ZFP28: variants seen among roughly 807,000 people sequenced by gnomAD.
The protein encoded by ZFP28 is ZFP28 zinc finger protein.
ZFP28 carries 31 observed loss-of-function variants against 39.5 expected under a neutral mutation model. The ratio of observed to expected loss-of-function variants is 0.79; its 90% CI spans 0.59 to 1.06. The LOEUF (loss-of-function observed/expected upper bound fraction) is 1.06. ZFP28 is among the 50% of genes least tolerant of loss of function. The pLI is 0.00. For missense variants in ZFP28, 925 were observed against 1,048.4 expected, an observed-to-expected ratio of 0.88 and a Z score of 1.63; for synonymous variants, 400 against 378.6, an observed-to-expected ratio of 1.06 and a Z score of -0.66.
chr19:56,545,324 C>A (rs1257744381), intron 2 of ZFP28, among the ~76,000 whole-genome samples: 1 of 152,212 alleles, frequency 6.6e-6, no homozygotes, highest in Admixed American at 6.5e-5. Flanking sequence ...ATATCACTTA[C>A]AAAACCCTTT....
Position 56,549,096 on chromosome 19 carries a change from A to G in ZFP28, c.662A>G (p.Tyr221Cys), listed in dbSNP as rs757588903. Residue 221 changes from tyrosine to cysteine, a missense_variant, in exon 5 of 8, where the codon TAT becomes TGT. Transcript: ENST00000301318. ...TCTCTGTTAGGGGAACACTGGGATT[A>G]TGATGCTCTGTTTGAGACACAGCCG... ...EYSLLGEHWD[Y>C]DALFETQPGL... 2 of 1,611,988 alleles carry G rather than the reference A, an allele frequency of 1.2e-6. No individual in the cohort carries two copies. Among genetic ancestry groups the G allele is most frequent in the Non-Finnish European group, 1.7e-6 (2 of 1,179,208 alleles).
chr19:56,555,380 C>T lies in ZFP28; in HGVS notation c.2595C>T (p.Leu865=), dbSNP rs750148848. 7.4e-6 allele frequency: 12 copies of T among 1,610,834 alleles called. No individual in the cohort carries two copies. The highest frequency in any genetic ancestry group is 1.0e-5 in the Non-Finnish European group (12 of 1,178,170). Reference sequence around the variant, plus strand: ...AATTTCTCTGGAATCCATCCTCCCTCCCATCACCATAGCCTCGAGACGTCA... The same window carrying T: ...AATTTCTCTGGAATCCATCCTCCCTTCCATCACCATAGCCTCGAGACGTCA... ...FPKFLWNPSS[L]PSP The change falls in exon 8 of 8, where the codon CTC becomes CTT. Residue 865 remains leucine (L), a synonymous_variant. Transcript: ENST00000301318.
In ZFP28 at chr19:56,556,789, T is replaced by C. The variant is rs2147969318; in HGVS notation, c.*1397T>C. The stretch of plus-strand genomic sequence containing the variant: ...ATAAAGATGTCAATAAAAGGAGAAA[T>C]GATATTTTTCTAGATGAAATACTCA... On this transcript the variant is annotated 3_prime_UTR_variant, in exon 8 of 8. Transcript: ENST00000301318. 6.6e-6 allele frequency: 1 copy of C among 152,306 alleles called. No homozygotes were observed. Among genetic ancestry groups the C allele is most frequent in the African/African-American group, 2.4e-5 (1 of 41,560 alleles). The allele number at this position is 152,306 out of a possible 1,614,324, so 9.4% of individuals were successfully genotyped here. A position where few individuals can be genotyped will look rare whatever the true frequency, so the allele number is the denominator to read the frequency against.
rs2044268237 is a variant in ZFP28, at chr19:56,548,986, G to A, written c.552G>A (p.Glu184=). ...TGAAGGCTGTGTGGAAGATCAAGGA[G>A]TTACCTCTCAAGAAGGACTTCTGCG... ...PDLKAVWKIK[E]LPLKKDFCEG... Residue 184 remains glutamate (E), a synonymous_variant, in exon 5 of 8, where the codon GAG becomes GAA. Transcript: ENST00000301318. 6.2e-7 allele frequency: 1 copy of A among 1,613,986 alleles called. No homozygotes were observed. The highest frequency in any genetic ancestry group is 1.3e-5 in the African/African-American group (1 of 75,050).
intron 6 of ZFP28, 151 bp downstream of exon 6, chr19:56,550,332 A>C (rs748924433): frequency 2.2e-6 from 2 of 928,158 alleles, no homozygotes; most frequent in South Asian, 1.7e-5. Context: ...GCATTTGTAG[A>C]GGTGAAAGTT....
At chr19:56,538,191 G>T, upstream of ZFP28, 1 of 152,448 alleles carries the variant, frequency 6.6e-6, no homozygotes, top group Non-Finnish European at 1.5e-5. Flanking sequence ...GAGAAGGTGA[G>T]GGGGCACCCA....
chr19:56,548,881 T>A, intron 4 of ZFP28, 77 bp from the exon 5 acceptor site: 3 of 1,410,756 alleles, frequency 2.1e-6, no homozygotes, highest in Non-Finnish European at 2.8e-6. Context: ...GGCTTTTAAT[T>A]TAACGGTTGC....
In ZFP28 at chr19:56,554,835, C is replaced by G; in HGVS notation, c.2050C>G (p.Gln684Glu). 1 of 1,614,128 alleles carries G rather than the reference C, an allele frequency of 6.2e-7. No homozygotes were observed. The highest frequency in any genetic ancestry group is 1.1e-5 in the South Asian group (1 of 91,076). The change falls in exon 8 of 8, where the codon CAG (glutamine) becomes GAG (glutamate). Residue 684 changes from glutamine (Q) to glutamate (E), a missense_variant. By Grantham distance (29) the Gln-to-Glu change is conservative (BLOSUM62 2). Transcript: ENST00000301318. The surrounding 1 kb of genome is among the most constrained non-coding windows in gnomAD (Gnocchi z 6.7). ...CAAGGAATGCGGTAAAGCCTTCAGC[C>G]AGACCACACACCTCATTCAACATCA... ...ECKECGKAFS[Q>E]TTHLIQHQRV...
In ZFP28 at chr19:56,553,955, G is replaced by A. The variant is rs149325607; in HGVS notation, c.1170G>A (p.Glu390=). ...GRWFYLDDSE[E]KVHNRDSIKN... ...GGTTCTATTTGGACGATTCAGAAGA[G>A]AAAGTTCATAATCGTGATTCAATTA... The change falls in exon 8 of 8, where the codon GAG becomes GAA. Residue 390 remains glutamate (E), a synonymous_variant. Transcript: ENST00000301318. The A allele has an allele frequency of 1.2e-6, 2 of 1,613,072 alleles. No individual in the cohort carries two copies. The highest frequency in any genetic ancestry group is 1.7e-6 in the Non-Finnish European group (2 of 1,179,790).
At position 56,550,339 on chromosome 19, in the gene ZFP28, A is replaced by G. The variant is rs146463924; in HGVS notation, c.802+158A>G. 1.8e-3 allele frequency: 1,583 copies of G among 901,244 alleles called. 28 individuals carry two copies. In the East Asian group the frequency reaches 0.031, roughly 17 times the overall value. 55.8% of individuals were successfully genotyped at this position (901,244 alleles called of 1,614,324 possible). On this transcript the variant is annotated intron_variant, in intron 6 of 7. Transcript: ENST00000301318. Reference sequence around the variant, plus strand: ...AGAATTTGGCATTTGTAGAGGTGAAAGTTGGTGTCTTTGTTAGGCTTGAAG... The same window carrying G: ...AGAATTTGGCATTTGTAGAGGTGAAGGTTGGTGTCTTTGTTAGGCTTGAAG...
intron 2 of ZFP28, 77 bp downstream of exon 2, chr19:56,539,793 A>T: frequency 1.4e-6 from 2 of 1,385,032 alleles, no homozygotes; most frequent in South Asian, 1.2e-5. Flanking sequence ...TTTTCTTGAA[A>T]GTTTTCAGTT....
Position 56,554,894 on chromosome 19 carries a change from T to G in ZFP28, c.2109T>G (p.Cys703Trp). The G allele has an allele frequency of 6.2e-7, 1 of 1,614,166 alleles. No individual in the cohort carries two copies. Among genetic ancestry groups the G allele is most frequent in the Non-Finnish European group, 8.5e-7 (1 of 1,180,016 alleles). The change falls in exon 8 of 8, where the codon TGT (cysteine) becomes TGG (tryptophan). Residue 703 changes from cysteine (C) to tryptophan (W), a missense_variant. By Grantham distance (215) the Cys-to-Trp change is radical. This residue lies in a region of ZFP28 where 369 missense variants were observed against 505.5 expected (regional missense o/e 0.73). Coordinates refer to ENST00000301318, the MANE Select transcript of ZFP28 (RefSeq NM_020828.2). This position sits in a 1 kb window ranked among gnomAD's most constrained non-coding sequence, Gnocchi z 6.7. ...ACACTGGTGAGAAACCCTATAAATG[T>G]ATGGAATGTGGGAAGGCCTTTGGTG... ...RVHTGEKPYK[C>W]MECGKAFGDN...
At position 56,539,146 on chromosome 19, in the gene ZFP28, C is replaced by G. The variant is rs7258088; in HGVS notation, c.128C>G (p.Ala43Gly). The G allele has an allele frequency of 0.28, 453,638 of 1,592,950 alleles. 69,021 individuals are homozygous for G. The highest frequency in any genetic ancestry group is 0.6 in the East Asian group (26,180 of 43,822). ...VGTPATLALP[A>G]RGRPRSRNGL... ...ACTCCAGCCACCTTGGCCCTCCCTG[C>G]CCGGGGAAGGCCGCGCTCAAGGAAT... is the stretch of plus-strand genomic sequence containing the variant. The change falls in exon 1 of 8, where the codon GCC becomes GGC. Residue 43 changes from alanine to glycine, a missense_variant. Around this residue, in one of 2 missense-constraint regions of ZFP28, gnomAD observed 556 missense variants for 542.9 expected, o/e 1.02. Coordinates refer to ENST00000301318, the MANE Select transcript of ZFP28 (RefSeq NM_020828.2).
At position 56,555,568 on chromosome 19, in the gene ZFP28, T is replaced by C. The variant is rs1212509915; in HGVS notation, c.*176T>C. 2 of 871,300 alleles carry C rather than the reference T, an allele frequency of 2.3e-6. No individual in the cohort carries two copies. The highest frequency in any genetic ancestry group is 1.7e-5 in the African/African-American group (1 of 59,210). The allele number at this position is 871,300 out of a possible 1,614,324, so 54.0% of individuals were successfully genotyped here. On this transcript the variant is annotated 3_prime_UTR_variant, in exon 8 of 8. Coordinates refer to ENST00000301318, the MANE Select transcript of ZFP28 (RefSeq NM_020828.2). ...AAATTGGTTAATGTGTGAGATGTGC[T>C]CAGCACAGTGCCTGGTCCATAGTAA...
chr19:56,549,171 A>T, intron 5 of ZFP28, 50 bp downstream of exon 5: 3 of 1,562,514 alleles, frequency 1.9e-6, no homozygotes, highest in Non-Finnish European at 2.6e-6. Flanking sequence ...TTCATGAGGA[A>T]ACTCTTCTTG....
chr19:56,550,907 G>C (rs1455459394), intron 7 of ZFP28: 34 of 1,427,954 alleles, frequency 2.4e-5, no homozygotes, highest in Non-Finnish European at 2.9e-5. Flanking sequence ...GACTTCCAAA[G>C]GTTTTCTCTT....
Position 56,539,245 on chromosome 19 carries a change from TG to T in ZFP28, c.208+23del. The T allele has an allele frequency of 6.3e-7, 1 of 1,580,686 alleles. No homozygotes were observed. ...CACAGAGGTGAGAGTGACAGGTGTT[TG>T]GGGCCGAGCGGACAGGGACGAATTC... On this transcript the variant is annotated intron_variant, in intron 1 of 7. Coordinates refer to ENST00000301318, the MANE Select transcript of ZFP28 (RefSeq NM_020828.2).
At chr19:56,548,053 C>A in intron 4 of ZFP28, 151 bp downstream of exon 4, 1 of 649,090 alleles carries the variant, frequency 1.5e-6, no homozygotes, top group Non-Finnish European at 2.5e-6. Flanking sequence ...ATTTCAACTA[C>A]AGTATTATTT....
rs1600544463 is a variant in ZFP28 at position 56,547,730 on chromosome 19, C to T, written c.428-77C>T. 3.7e-6 allele frequency: 6 copies of T among 1,600,194 alleles called. No homozygotes were observed. The highest frequency in any genetic ancestry group is 5.1e-6 in the Non-Finnish European group (6 of 1,170,976). On this transcript the variant is annotated intron_variant, in intron 3 of 7. Coordinates refer to ENST00000301318, the MANE Select transcript of ZFP28 (RefSeq NM_020828.2). The surrounding 1 kb of genome is among the most constrained non-coding windows in gnomAD (Gnocchi z 4.6). ...TTATCACCCAGACCTGCACTGCCCT[C>T]TTGCGTCAAGCCAAGGGGACTGCAT... is the stretch of plus-strand genomic sequence containing the variant.
Sources: gnomAD v4.1 joint callset for allele counts (sites outside exome capture counted in the v4.1 genomes callset) on GRCh38, gnomAD v4.1.1 for gene constraint, gnomAD v4.1.1 regional missense constraint, Gnocchi (gnomAD v3.1) non-coding constraint, MANE v1.5 for transcripts, NCBI Gene and HGNC (gene_info 2026-07-23, HGNC 2026-07-21) for gene names.